SPCS2: variants seen among roughly 807,000 people sequenced by gnomAD.
SPCS2 encodes signal peptidase complex subunit 2, also known as SPase 25 kDa subunit.
Under a neutral mutation model 22.3 loss-of-function variants are expected in SPCS2, and 3 were observed. That is an observed-to-expected ratio of 0.13 (90% CI 0.06 to 0.35). The LOEUF (loss-of-function observed/expected upper bound fraction) is 0.35, where lower values mean the gene tolerates loss of function less well. SPCS2 is among the 10% of genes least tolerant of loss of function. SPCS2 has a pLI of 1.00. For missense variants in SPCS2, 169 were observed against 280.9 expected (o/e 0.60, Z 2.85); for synonymous variants, 67 against 97.2 (o/e 0.69, Z 1.83).
At chr11:74,973,341 C>T (rs1280893855) in intron 4 of SPCS2, among the ~76,000 whole-genome samples, 1 of 152,094 alleles carries the variant, frequency 6.6e-6, no homozygotes, top group Admixed American at 6.6e-5. Flanking sequence ...AACATTTGTC[C>T]TTTCTTAAGT....
At chr11:74,969,738 G>A in intron 4 of SPCS2, 39 bp downstream of exon 4, 1 of 1,612,824 alleles carries the variant, frequency 6.2e-7, no homozygotes, top group Admixed American at 1.7e-5. Flanking sequence ...CCTGGTGTTG[G>A]ATTTGCCCTG....
intron 4 of SPCS2, among the ~76,000 whole-genome samples, chr11:74,976,111 G>C (rs1197031211): frequency 6.6e-6 from 1 of 152,098 alleles, no homozygotes; most frequent in Non-Finnish European, 1.5e-5. Context: ...AGGCACCCCG[G>C]GATTGGAGAG....
rs137974535 is a variant in SPCS2 at position 74,974,835 on chromosome 11, G to C, written c.495-2022G>C. On this transcript the variant is annotated intron_variant, in intron 4 of 4. Coordinates refer to ENST00000263672, the MANE Select transcript of SPCS2 (RefSeq NM_014752.3). ...TTCACCATGTTAGCCAGGATGGTCT[G>C]GATCTCCTGACCTCGTGATCTGCCC... Among the ~76,000 whole-genome samples, 72 of 152,010 alleles carry C rather than the reference G, an allele frequency of 4.7e-4. 2 individuals carry two copies. The East Asian group carries it at 0.012, about 25-fold the overall frequency.
chr11:74,949,632 G>A, intron 1 of SPCS2: 1 of 585,944 alleles, frequency 1.7e-6, no homozygotes, highest in East Asian at 3.8e-5. Context: ...TCTGGTCCTG[G>A]TCGCCACACC....
At chr11:74,976,394 G>A (rs676057) in intron 4 of SPCS2, among the ~76,000 whole-genome samples, 152,230 of 152,330 alleles carry the variant, frequency 1, 76,065 homozygotes, top group Middle Eastern at 1. Flanking sequence ...TTTGAGTTGA[G>A]TATTGATTGA....
intron 3 of SPCS2, 47 bp from the exon 4 acceptor site, chr11:74,969,518 T>C: frequency 6.3e-7 from 1 of 1,576,100 alleles, no homozygotes; most frequent in South Asian, 1.1e-5. Flanking sequence ...CAATTTGTGT[T>C]ACTTCTCTTT....
intron 3 of SPCS2, among the ~76,000 whole-genome samples, chr11:74,966,227 A>G (rs905728789): frequency 1.3e-5 from 2 of 152,156 alleles, no homozygotes; most frequent in African/African-American, 4.8e-5. Flanking sequence ...AGCTCTTCTC[A>G]TTTCTAGCCC....
Position 74,949,337 on chromosome 11 carries a change from AGTGGGGCTG to A in SPCS2, c.57_65del (p.Gly21_Ala23del). The A allele has an allele frequency of 6.4e-7, 1 of 1,551,294 alleles. No homozygotes were observed. Among genetic ancestry groups the A allele is most frequent in the East Asian group, 2.4e-5 (1 of 40,914 alleles). Reference sequence around the variant, plus strand: ...GAGAAGCGGTGGTAGCGGAGGCTGTAGTGGGGCTGGTGGTGCTTCCAACTGCGGGACAGG... The same window carrying A: ...GAGAAGCGGTGGTAGCGGAGGCTGTAGTGGTGCTTCCAACTGCGGGACAGG... On this transcript the variant is annotated inframe_deletion, in exon 1 of 5. Coordinates refer to ENST00000263672, the MANE Select transcript of SPCS2 (RefSeq NM_014752.3).
intron 1 of SPCS2, 86 bp downstream of exon 1, chr11:74,949,485 T>C: frequency 8.2e-7 from 1 of 1,220,068 alleles, no homozygotes; most frequent in Non-Finnish European, 1.2e-6. Flanking sequence ...TCTCCCTTAT[T>C]TTCTACGGCC....
intron 3 of SPCS2, among the ~76,000 whole-genome samples, chr11:74,968,509 G>GTT (rs1244678718): frequency 1.5e-5 from 2 of 136,240 alleles, no homozygotes; most frequent in Admixed American, 7.2e-5. Flanking sequence ...GTTTTTGTGG[G>GTT]TTTTTTTTGT....
In SPCS2 at chr11:74,978,293, T is replaced by G. The variant is rs1056695048; in HGVS notation, c.*1250T>G. 2 of 152,274 alleles carry G rather than the reference T, an allele frequency of 1.3e-5. No homozygotes were observed. The highest frequency in any genetic ancestry group is 1.3e-4 in the Admixed American group (2 of 15,290). The allele number at this position is 152,274 out of a possible 1,614,324, so 9.4% of individuals were successfully genotyped here. Reference sequence around the variant, plus strand: ...AATTACCATTATCACATTTCCTGTTTGTCTTGGAGAGGTTGTCCTATCTCG... The same window carrying G: ...AATTACCATTATCACATTTCCTGTTGGTCTTGGAGAGGTTGTCCTATCTCG... On this transcript the variant is annotated 3_prime_UTR_variant, in exon 5 of 5. Coordinates refer to ENST00000263672, the MANE Select transcript of SPCS2 (RefSeq NM_014752.3).
chr11:74,974,775 T>C (rs1319195263), intron 4 of SPCS2, among the ~76,000 whole-genome samples: 1 of 152,040 alleles, frequency 6.6e-6, no homozygotes, highest in Non-Finnish European at 1.5e-5. Flanking sequence ...CCACCACGTC[T>C]GGCTAATTTT....
At chr11:74,954,592 C>A (rs1371663326) in intron 1 of SPCS2, among the ~76,000 whole-genome samples, 2 of 152,146 alleles carry the variant, frequency 1.3e-5, no homozygotes, top group Admixed American at 1.3e-4. Flanking sequence ...TTACCTAGCT[C>A]TGACAAAGAA....
At chr11:74,958,127 C>T (rs1212954315) in intron 1 of SPCS2, among the ~76,000 whole-genome samples, 1 of 152,128 alleles carries the variant, frequency 6.6e-6, no homozygotes, top group East Asian at 1.9e-4. Flanking sequence ...TAGAAGCAGC[C>T]CCGTCACTGC....
At chr11:74,974,675 C>T (rs368957280) in intron 4 of SPCS2, among the ~76,000 whole-genome samples, 4 of 152,226 alleles carry the variant, frequency 2.6e-5, no homozygotes, top group East Asian at 1.9e-4. Flanking sequence ...AGTGCAGTGG[C>T]GCGATCTCGG....
intron 1 of SPCS2, among the ~76,000 whole-genome samples, chr11:74,960,541 A>C (rs1486152087): frequency 6.7e-6 from 1 of 150,262 alleles, no homozygotes; most frequent in African/African-American, 2.5e-5. Context: ...TTATTACTAG[A>C]GCTTGTTAGG....
At chr11:74,951,949 A>G (rs1170757529) in intron 1 of SPCS2, among the ~76,000 whole-genome samples, 1 of 151,990 alleles carries the variant, frequency 6.6e-6, no homozygotes, top group Non-Finnish European at 1.5e-5. Flanking sequence ...CACAGATGTG[A>G]TGGTGTTTTA....
intron 1 of SPCS2, among the ~76,000 whole-genome samples, chr11:74,957,234 A>AT (rs899809438): frequency 1.3e-5 from 2 of 152,108 alleles, no homozygotes; most frequent in African/African-American, 4.8e-5. Flanking sequence ...TAAAAATATT[A>AT]TTTTTTTCTT....
chr11:74,974,318 A>C (rs975980427), intron 4 of SPCS2, among the ~76,000 whole-genome samples: 1 of 152,204 alleles, frequency 6.6e-6, no homozygotes, highest in Non-Finnish European at 1.5e-5. Flanking sequence ...TGAACTCTAA[A>C]TATATTCTGG....
Sources: allele counts gnomAD v4.1 joint callset (sites outside exome capture counted in the v4.1 genomes callset), GRCh38; gene constraint gnomAD v4.1.1; transcripts MANE v1.5; gene names NCBI Gene and HGNC (gene_info 2026-07-23, HGNC 2026-07-21).